Variants in SLC8A2 observed in about 807,000 individuals in gnomAD.
SLC8A2 encodes sodium/calcium exchanger 2.
Under a neutral mutation model 70.2 loss-of-function variants are expected in SLC8A2, and 14 were observed. The observed-to-expected ratio is 0.20, with a 90% CI of 0.13 to 0.31. The LOEUF (loss-of-function observed/expected upper bound fraction) is 0.31, where lower values mean the gene tolerates loss of function less well. SLC8A2 is among the 10% of genes least tolerant of loss of function. SLC8A2 has a pLI of 1.00. For synonymous variants in SLC8A2, 575 were observed against 594.3 expected, an observed-to-expected ratio of 0.97 and a Z score of 0.47; for missense variants, 779 against 1,320.1, an observed-to-expected ratio of 0.59 and a Z score of 6.35.
intron 8 of SLC8A2, among the ~76,000 whole-genome samples, chr19:47,433,729 C>T (rs2055624618): frequency 6.7e-6 from 1 of 150,370 alleles, no homozygotes; most frequent in Admixed American, 6.6e-5. Context: ...GTAACCTCCG[C>T]CTCCTGAGTT....
rs758941546 is a variant in SLC8A2 at position 47,432,383 on chromosome 19, C to T, written c.2173G>A (p.Val725Met). ...EERLPSCFDY[V>M]MHFLTVFWKV... ...CAGAACACCGTCAGGAAGTGCATCACGTAGTCAAAGCACGACGGCAGCCGC... is the reference window on the plus strand; with the variant it reads ...CAGAACACCGTCAGGAAGTGCATCATGTAGTCAAAGCACGACGGCAGCCGC... Residue 725 changes from valine (V) to methionine (M), a missense_variant, in exon 9 of 10, where the codon GTG becomes ATG. Physicochemically the swap from Val to Met is conservative, Grantham distance 21. Around this residue, in one of 6 missense-constraint regions of SLC8A2, gnomAD observed 247 missense variants for 362.8 expected, o/e 0.68. Transcript: ENST00000236877. This position sits in a 1 kb window ranked among gnomAD's most constrained non-coding sequence, Gnocchi z 6.2. 4 of 1,613,492 alleles carry T rather than the reference C, an allele frequency of 2.5e-6. No individual in the cohort carries two copies. The highest frequency in any genetic ancestry group is 3.4e-6 in the Non-Finnish European group (4 of 1,179,730).
chr19:47,447,273 C>G lies in SLC8A2; in HGVS notation c.1763+536G>C, dbSNP rs929099658. 1.3e-5 allele frequency among the ~76,000 whole-genome samples: 2 copies of G among 151,684 alleles called. No homozygotes were observed. Among genetic ancestry groups the G allele is most frequent in the Non-Finnish European group, 2.9e-5 (2 of 67,944 alleles). ...GGACCCGCCCCCTCTCCACAGCCAC[C>G]GACAGCGTCTCATCTCCACAAGCCT... On this transcript the variant is annotated intron_variant, in intron 4 of 9. Coordinates refer to ENST00000236877, the MANE Select transcript of SLC8A2 (RefSeq NM_015063.3). This position sits in a 1 kb window ranked among gnomAD's most constrained non-coding sequence, Gnocchi z 5.1.
chr19:47,435,618 G>A (rs2122615042), intron 8 of SLC8A2, among the ~76,000 whole-genome samples: 1 of 148,414 alleles, frequency 6.7e-6, no homozygotes, highest in Middle Eastern at 3.4e-3. Flanking sequence ...GTGCTATCTC[G>A]GCTCACCGCA....
intron 1 of SLC8A2, among the ~76,000 whole-genome samples, chr19:47,467,170 G>A (rs1967473921): frequency 6.6e-6 from 1 of 152,184 alleles, no homozygotes; most frequent in Non-Finnish European, 1.5e-5. Flanking sequence ...TTTGCACAGT[G>A]GAATATTATA....
intron 3 of SLC8A2, among the ~76,000 whole-genome samples, chr19:47,453,601 T>G (rs1967270036): frequency 6.6e-6 from 1 of 152,200 alleles, no homozygotes; most frequent in African/African-American, 2.4e-5. Context: ...CCTCCTTCAC[T>G]TCAAACATCT....
intron 4 of SLC8A2, 107 bp from the exon 5 acceptor site, chr19:47,441,547 G>T: frequency 1.5e-6 from 1 of 651,190 alleles, no homozygotes; most frequent in Admixed American, 2.4e-5. Context: ...CACCTCCTCT[G>T]TCCCAGACTC....
rs145045187 is a variant in SLC8A2 at position 47,438,689 on chromosome 19, C to T, written c.1886-716G>A. Among the ~76,000 whole-genome samples the T allele has an allele frequency of 4.5e-4, 68 of 152,298 alleles. No homozygotes were observed. In the South Asian group the frequency reaches 5.4e-3, roughly 12 times the overall value. On this transcript the variant is annotated intron_variant, in intron 6 of 9. Transcript: ENST00000236877. ...CCCAAATGGAAGCCTGTCATCAACA[C>T]TGACTCCAAACCCCAACCCTCAGCC...
Position 47,465,121 on chromosome 19 carries a change from T to G in SLC8A2, c.675+608A>C, listed in dbSNP as rs1435620734. On this transcript the variant is annotated intron_variant, in intron 2 of 9. Transcript: ENST00000236877. The surrounding 1 kb of genome is among the most constrained non-coding windows in gnomAD (Gnocchi z 5.5). ...GAATTATGCAAACCGTGATTACATATCTGGCAAATGGCTAAATTATGCAGA... is the reference window on the plus strand; with the variant it reads ...GAATTATGCAAACCGTGATTACATAGCTGGCAAATGGCTAAATTATGCAGA... Among the ~76,000 whole-genome samples, 1 of 152,198 alleles carries G rather than the reference T, an allele frequency of 6.6e-6. No homozygotes were observed. Among genetic ancestry groups the G allele is most frequent in the East Asian group, 1.9e-4 (1 of 5,202 alleles).
At chr19:47,439,609 CCTTCCTTT>C (rs935511650) in intron 6 of SLC8A2, among the ~76,000 whole-genome samples, 1 of 126,556 alleles carries the variant, frequency 7.9e-6, no homozygotes, top group Non-Finnish European at 1.7e-5. Context: ...CTCCCTCCTT[CCTTCCTTT>C]CTTCCTTCCT....
chr19:47,453,048 A>G (rs552646378), intron 3 of SLC8A2, among the ~76,000 whole-genome samples: 1 of 152,280 alleles, frequency 6.6e-6, no homozygotes, highest in South Asian at 2.1e-4. Flanking sequence ...AATAAAGAAT[A>G]TCAAAATGTT....
At position 47,447,253 on chromosome 19, in the gene SLC8A2, C is replaced by T. The variant is rs1167996609; in HGVS notation, c.1763+556G>A. On this transcript the variant is annotated intron_variant, in intron 4 of 9. Coordinates refer to ENST00000236877, the MANE Select transcript of SLC8A2 (RefSeq NM_015063.3). The surrounding 1 kb of genome is among the most constrained non-coding windows in gnomAD (Gnocchi z 5.1). ...CAGACCCCACCTATCGCCCTGGACCCGCCCCCTCTCCACAGCCACCGACAG... is the reference window on the plus strand; with the variant it reads ...CAGACCCCACCTATCGCCCTGGACCTGCCCCCTCTCCACAGCCACCGACAG... Among the ~76,000 whole-genome samples the T allele has an allele frequency of 6.6e-6, 1 of 151,848 alleles. No individual in the cohort carries two copies. Among genetic ancestry groups the T allele is most frequent in the Non-Finnish European group, 1.5e-5 (1 of 67,980 alleles).
chr19:47,440,887 G>A (rs552854728), intron 6 of SLC8A2, among the ~76,000 whole-genome samples: 1 of 152,182 alleles, frequency 6.6e-6, no homozygotes, highest in East Asian at 1.9e-4. Flanking sequence ...CACCGCACCT[G>A]GCCTCACCCA....
chr19:47,452,864 C>G (rs367905505), intron 3 of SLC8A2, among the ~76,000 whole-genome samples: 122 of 152,112 alleles, frequency 8.0e-4, no homozygotes, highest in African/African-American at 2.6e-3. Flanking sequence ...GAAACCCCAT[C>G]TCTACTAAAA....
Position 47,443,639 on chromosome 19 carries a change from G to A in SLC8A2, c.1764-2199C>T, listed in dbSNP as rs147966034. ...ACAGCCTTGGCGACATCGCCACCCT[G>A]CAGCCCCTCACTGTGGTACCACGTA... On this transcript the variant is annotated intron_variant, in intron 4 of 9. Coordinates refer to ENST00000236877, the MANE Select transcript of SLC8A2 (RefSeq NM_015063.3). Among the ~76,000 whole-genome samples the A allele has an allele frequency of 4.5e-4, 68 of 152,300 alleles. No homozygotes were observed. In the South Asian group the frequency reaches 5.4e-3, roughly 12 times the overall value.
chr19:47,454,796 CAG>C (rs1359044771), intron 3 of SLC8A2, among the ~76,000 whole-genome samples: 1 of 152,174 alleles, frequency 6.6e-6, no homozygotes, highest in East Asian at 1.9e-4. Context: ...ATCGATGAAA[CAG>C]AGAACTGCCA....
Position 47,432,222 on chromosome 19 carries a change from G to A in SLC8A2, c.2334C>T (p.Gly778=), listed in dbSNP as rs28637631. The A allele has an allele frequency of 1.2e-3, 1,966 of 1,614,004 alleles. 26 individuals are homozygous for A. In the African/African-American group the frequency reaches 0.021, roughly 17 times the overall value. ...DLASHFGCTV[G]LKDSVNAVVF... is the part of the protein sequence containing the mutation. ...CAACAGCATTGACAGAGTCCTTGAG[G>A]CCAACGGTGCAGCCGAAGTGGGAGG... The change falls in exon 9 of 10, where the codon GGC becomes GGT. Residue 778 remains glycine, a synonymous_variant. Transcript: ENST00000236877. The surrounding 1 kb of genome is among the most constrained non-coding windows in gnomAD (Gnocchi z 6.2).
At chr19:47,461,861 C>T (rs916947075) in intron 2 of SLC8A2, among the ~76,000 whole-genome samples, 3 of 152,134 alleles carry the variant, frequency 2.0e-5, no homozygotes, top group African/African-American at 7.2e-5. Flanking sequence ...TTCTAGAGCA[C>T]CCACTAAGAA....
At chr19:47,469,119 CGTGTGTGTGTGT>C (rs10670696) in intron 1 of SLC8A2, among the ~76,000 whole-genome samples, 9 of 143,162 alleles carry the variant, frequency 6.3e-5, no homozygotes, top group Non-Finnish European at 1.4e-4. Context: ...TGCCTGTGTG[CGTGTGTGTGTGT>C]GTGTGTGTGT....
chr19:47,434,552 G>T (rs1191558595), intron 8 of SLC8A2, among the ~76,000 whole-genome samples: 1 of 152,172 alleles, frequency 6.6e-6, no homozygotes, highest in Non-Finnish European at 1.5e-5. Flanking sequence ...CAACGGTCTC[G>T]GACACCTCCA....
Sources: allele counts gnomAD v4.1 joint callset (sites outside exome capture counted in the v4.1 genomes callset), GRCh38; gene constraint gnomAD v4.1.1; regional missense constraint gnomAD v4.1.1; non-coding constraint Gnocchi (gnomAD v3.1); transcripts MANE v1.5; gene names NCBI Gene and HGNC (gene_info 2026-07-23, HGNC 2026-07-21).